The following IQCM variants were observed in gnomAD, a reference collection of about 807,000 sequenced individuals.
IQCM encodes the protein IQ domain-containing protein M.
Under a neutral mutation model 57.6 loss-of-function variants are expected in IQCM, and 45 were observed. The observed-to-expected ratio is 0.78, with a 90% CI of 0.62 to 1.00. The LOEUF (loss-of-function observed/expected upper bound fraction) is 1.00. Among genes scored for constraint, IQCM ranks in the 50% least tolerant of loss-of-function variants. IQCM has a pLI of 0.00. For missense variants in IQCM, 468 were observed against 511.6 expected (o/e 0.91, Z 0.82); for synonymous variants, 148 against 158.9 (o/e 0.93, Z 0.51).
intron 7 of IQCM, among the ~76,000 whole-genome samples, chr4:149,662,850 T>C (rs780932893): frequency 6.6e-6 from 1 of 152,156 alleles, no homozygotes; most frequent in Non-Finnish European, 1.5e-5. Context: ...TGTTTTTATG[T>C]CCATTCACTC....
intron 5 of IQCM, among the ~76,000 whole-genome samples, chr4:149,723,717 A>G (rs1007990051): frequency 3.3e-5 from 5 of 151,978 alleles, no homozygotes; most frequent in African/African-American, 4.8e-5. Flanking sequence ...TTTTGCATCT[A>G]TGTTCATCAG....
At chr4:149,601,591 C>T (rs565802114) in intron 8 of IQCM, among the ~76,000 whole-genome samples, 28 of 152,258 alleles carry the variant, frequency 1.8e-4, no homozygotes, top group African/African-American at 4.3e-4. Flanking sequence ...CACCTCTAAG[C>T]CCTCCCATCC....
intron 12 of IQCM, among the ~76,000 whole-genome samples, chr4:149,486,278 G>A (rs1278938540): frequency 1.3e-5 from 2 of 152,206 alleles, no homozygotes; most frequent in African/African-American, 4.8e-5. Context: ...TTGGAGTCCA[G>A]AGCTTGGAAT....
intron 9 of IQCM, among the ~76,000 whole-genome samples, 173 bp from the exon 10 acceptor site, chr4:149,564,063 G>T (rs1194087183): frequency 6.6e-6 from 1 of 152,070 alleles, no homozygotes; most frequent in African/African-American, 2.4e-5. Flanking sequence ...TCCAAAGAAG[G>T]TTGAATATGC....
chr4:149,594,736 G>A (rs981449452), intron 8 of IQCM, among the ~76,000 whole-genome samples: 2 of 152,186 alleles, frequency 1.3e-5, no homozygotes, highest in African/African-American at 2.4e-5. Flanking sequence ...TCAGGAGCAG[G>A]TTGTTCAGTT....
At chr4:149,457,590 TAAGAA>T in intron 12 of IQCM, among the ~76,000 whole-genome samples, 1 of 151,404 alleles carries the variant, frequency 6.6e-6, no homozygotes, top group East Asian at 1.9e-4. Context: ...GCTACTAGCC[TAAGAA>T]AAGAAAAAAA....
rs556197215 is a variant in IQCM at position 149,720,096 on chromosome 4, C to A, written c.385+13148G>T. On this transcript the variant is annotated intron_variant, in intron 5 of 13. Coordinates refer to ENST00000636793, the MANE Select transcript of IQCM (RefSeq NM_001363507.2). ...AAAACATTTGACTAACCTCTTAATT[C>A]TCTGCCTGTGTTCTTTGTCAAGTAC... 1.4e-4 allele frequency among the ~76,000 whole-genome samples: 21 copies of A among 152,324 alleles called. No homozygotes were observed. In the East Asian group the frequency reaches 1.7e-3, roughly 13 times the overall value.
intron 2 of IQCM, among the ~76,000 whole-genome samples, chr4:149,748,163 G>A (rs1768104101): frequency 6.6e-6 from 1 of 152,144 alleles, no homozygotes; most frequent in African/African-American, 2.4e-5. Context: ...AGGATCTCAT[G>A]GGCTTTCCCT....
At chr4:149,592,668 C>T (rs538555155) in intron 8 of IQCM, among the ~76,000 whole-genome samples, 5 of 142,438 alleles carry the variant, frequency 3.5e-5, no homozygotes, top group African/African-American at 1.2e-4. Flanking sequence ...TTTCAGCTTT[C>T]TACATAGGCT....
intron 5 of IQCM, among the ~76,000 whole-genome samples, chr4:149,690,409 T>A (rs1762859994): frequency 6.6e-6 from 1 of 151,384 alleles, no homozygotes; most frequent in East Asian, 2.0e-4. Context: ...ACAATGGACT[T>A]TGGGGACTTG....
intron 5 of IQCM, among the ~76,000 whole-genome samples, chr4:149,706,986 T>G (rs943252984): frequency 2.0e-5 from 3 of 152,022 alleles, no homozygotes; most frequent in Non-Finnish European, 2.9e-5. Context: ...AAACAGATTT[T>G]TCCAAGCTAA....
At chr4:149,738,050 T>C (rs1160271492) in intron 3 of IQCM, among the ~76,000 whole-genome samples, 1 of 152,190 alleles carries the variant, frequency 6.6e-6, no homozygotes, top group Admixed American at 6.5e-5. Flanking sequence ...GAAACCATCA[T>C]GTCTTATTTC....
chr4:149,815,132 T>C (rs1774930867), intron 2 of IQCM, among the ~76,000 whole-genome samples, 179 bp downstream of exon 2: 1 of 151,960 alleles, frequency 6.6e-6, no homozygotes, highest in African/African-American at 2.4e-5. Context: ...GCAAAATCAT[T>C]TAGCCTTTAA....
intron 12 of IQCM, among the ~76,000 whole-genome samples, chr4:149,539,539 G>T (rs1455543154): frequency 1.3e-5 from 2 of 152,070 alleles, no homozygotes; most frequent in Admixed American, 6.6e-5. Context: ...AATTTTTTAA[G>T]ATGTAAATTA....
chr4:149,809,448 T>A (rs1774362724), intron 2 of IQCM, among the ~76,000 whole-genome samples: 1 of 152,216 alleles, frequency 6.6e-6, no homozygotes, highest in Non-Finnish European at 1.5e-5. Context: ...AGCTTTAATG[T>A]ATACGGACAT....
At chr4:149,398,086 TA>T (rs1211107658) in intron 13 of IQCM, among the ~76,000 whole-genome samples, 1 of 152,000 alleles carries the variant, frequency 6.6e-6, no homozygotes, top group East Asian at 1.9e-4. Flanking sequence ...GTAAGAAAAA[TA>T]GGCACAATTT....
intron 12 of IQCM, among the ~76,000 whole-genome samples, chr4:149,519,447 C>A (rs947147818): frequency 6.6e-6 from 1 of 151,746 alleles, no homozygotes; most frequent in Non-Finnish European, 1.5e-5. Flanking sequence ...CAGTGAAACC[C>A]CGTCTCTACT....
chr4:149,662,131 A>G (rs1226881312), intron 7 of IQCM, among the ~76,000 whole-genome samples: 1 of 151,914 alleles, frequency 6.6e-6, no homozygotes, highest in East Asian at 1.9e-4. Context: ...GGGTTTTGGT[A>G]TGATGTGTTT....
intron 6 of IQCM, among the ~76,000 whole-genome samples, chr4:149,682,921 A>T (rs1561151216): frequency 6.6e-6 from 1 of 151,196 alleles, no homozygotes; most frequent in Admixed American, 6.6e-5. Flanking sequence ...TTCAGGAACC[A>T]TATTACTATT....
Sources: allele counts gnomAD v4.1 joint callset (sites outside exome capture counted in the v4.1 genomes callset), GRCh38; gene constraint gnomAD v4.1.1; transcripts MANE v1.5; gene names NCBI Gene and HGNC (gene_info 2026-07-23, HGNC 2026-07-21).